Variants in EXOC4 observed in about 807,000 individuals in gnomAD.
EXOC4 encodes the protein SEC8-like 1.
In EXOC4, 71 loss-of-function variants were observed where a neutral mutation model predicts 107.2. That is an observed-to-expected ratio of 0.66 (90% confidence interval 0.55 to 0.81). The LOEUF (loss-of-function observed/expected upper bound fraction) is 0.81, where lower values mean the gene tolerates loss of function less well. Among genes scored for constraint, EXOC4 ranks in the 30% least tolerant of loss-of-function variants. The pLI, the probability that EXOC4 is intolerant of heterozygous loss-of-function variation, is 0.00. For missense variants in EXOC4, 1,108 were observed against 1,189.6 expected (o/e 0.93, Z 1.01); for synonymous variants, 456 against 441.2 (o/e 1.03, Z -0.42).
chr7:133,360,937 T>G (rs1293306316), intron 6 of EXOC4, among the ~76,000 whole-genome samples: 1 of 152,184 alleles, frequency 6.6e-6, no homozygotes, highest in Non-Finnish European at 1.5e-5. Context: ...TATATGTGTA[T>G]CTTTATATAT....
intron 17 of EXOC4, among the ~76,000 whole-genome samples, chr7:134,058,288 G>T (rs11976626): frequency 0.018 from 2,712 of 152,272 alleles, 68 homozygotes; most frequent in African/African-American, 0.053. Context: ...ATTCAGCACA[G>T]AATTCACTTG....
At chr7:134,039,181 G>A (rs1011255002) in intron 17 of EXOC4, among the ~76,000 whole-genome samples, 8 of 152,158 alleles carry the variant, frequency 5.3e-5, no homozygotes, top group African/African-American at 1.9e-4. Context: ...ATAGATAAAT[G>A]TATATGTACT....
chr7:133,883,634 G>GA (rs534239646), intron 11 of EXOC4, among the ~76,000 whole-genome samples: 17 of 149,564 alleles, frequency 1.1e-4, no homozygotes, highest in East Asian at 5.9e-4. Context: ...ATCTCAGGGG[G>GA]AAAAAAAAAA....
chr7:133,583,609 G>A (rs1050933391), intron 9 of EXOC4, among the ~76,000 whole-genome samples: 1 of 152,126 alleles, frequency 6.6e-6, no homozygotes, highest in African/African-American at 2.4e-5. Context: ...TCTAAAATTT[G>A]AAAGAACCAG....
chr7:133,297,143 G>A (rs952734156), intron 3 of EXOC4, among the ~76,000 whole-genome samples: 1 of 152,126 alleles, frequency 6.6e-6, no homozygotes, highest in Admixed American at 6.5e-5. Flanking sequence ...GTTGCTTTGT[G>A]GCCATACTTT....
chr7:133,585,165 A>G (rs777612533), intron 9 of EXOC4, among the ~76,000 whole-genome samples: 4 of 152,212 alleles, frequency 2.6e-5, no homozygotes, highest in Non-Finnish European at 5.9e-5. Context: ...GTCAAATGCA[A>G]TAATTCAAGT....
At chr7:133,293,934 C>T (rs898973325) in intron 3 of EXOC4, among the ~76,000 whole-genome samples, 2 of 152,182 alleles carry the variant, frequency 1.3e-5, no homozygotes, top group Non-Finnish European at 2.9e-5. Flanking sequence ...TGGGTTGATG[C>T]AAGCACATTA....
At chr7:133,927,825 C>G (rs1461151406) in intron 13 of EXOC4, among the ~76,000 whole-genome samples, 1 of 152,094 alleles carries the variant, frequency 6.6e-6, no homozygotes, top group Non-Finnish European at 1.5e-5. Flanking sequence ...ACTTAAATCT[C>G]AAAACTAAAC....
At chr7:133,951,943 T>G (rs1800701627) in intron 14 of EXOC4, among the ~76,000 whole-genome samples, 1 of 152,194 alleles carries the variant, frequency 6.6e-6, no homozygotes, top group African/African-American at 2.4e-5. Flanking sequence ...GTGGATCACC[T>G]GATGTCAGGA....
chr7:134,077,971 G>T, the EXOC4 span, among the ~76,000 whole-genome samples: 1 of 152,208 alleles, frequency 6.6e-6, no homozygotes, highest in African/African-American at 2.4e-5. Context: ...AGGGAGTGCT[G>T]GGAGAGTCTC....
At chr7:133,879,617 T>C (rs1435911361) in intron 11 of EXOC4, among the ~76,000 whole-genome samples, 1 of 152,236 alleles carries the variant, frequency 6.6e-6, no homozygotes, top group Non-Finnish European at 1.5e-5. Flanking sequence ...TGATTTTTCA[T>C]ATTTTTCATT....
At chr7:133,486,259 C>T (rs1799268315) in intron 9 of EXOC4, among the ~76,000 whole-genome samples, 1 of 152,044 alleles carries the variant, frequency 6.6e-6, no homozygotes, top group Non-Finnish European at 1.5e-5. Flanking sequence ...TAATTAATCT[C>T]TTCGGGGGTG....
intron 10 of EXOC4, among the ~76,000 whole-genome samples, chr7:133,715,560 T>C (rs988515335): frequency 7.9e-5 from 12 of 152,132 alleles, no homozygotes; most frequent in Non-Finnish European, 1.0e-4. Flanking sequence ...TAAAAAGTTA[T>C]AGTAATTCAG....
intron 7 of EXOC4, among the ~76,000 whole-genome samples, chr7:133,437,773 A>G (rs553177217): frequency 6.6e-6 from 1 of 152,250 alleles, no homozygotes; most frequent in South Asian, 2.1e-4. Context: ...AGTGTTCCCC[A>G]TCTGCTTTTT....
At chr7:133,645,992 T>G (rs1802980297) in intron 10 of EXOC4, among the ~76,000 whole-genome samples, 3 of 152,300 alleles carry the variant, frequency 2.0e-5, no homozygotes, top group African/African-American at 7.2e-5. Context: ...GTAAACTCCT[T>G]AAGTTAGACC....
chr7:133,655,616 G>A (rs140869790), intron 10 of EXOC4, among the ~76,000 whole-genome samples: 49 of 151,878 alleles, frequency 3.2e-4, no homozygotes, highest in Admixed American at 1.5e-3. Flanking sequence ...ACACATTAGC[G>A]TAGGCTTACA....
intron 2 of EXOC4, among the ~76,000 whole-genome samples, chr7:133,284,893 C>T (rs1333884224): frequency 6.6e-6 from 1 of 152,170 alleles, no homozygotes; most frequent in Non-Finnish European, 1.5e-5. Flanking sequence ...ACTGGACTCT[C>T]CTACCTCATC....
chr7:133,767,233 G>C (rs1796157566), intron 10 of EXOC4, among the ~76,000 whole-genome samples: 1 of 151,730 alleles, frequency 6.6e-6, no homozygotes, highest in Non-Finnish European at 1.5e-5. Flanking sequence ...TCTATCACAA[G>C]AGCTGGATCT....
At chr7:133,716,218 C>T (rs1017380080) in intron 10 of EXOC4, among the ~76,000 whole-genome samples, 1 of 152,186 alleles carries the variant, frequency 6.6e-6, no homozygotes, top group Non-Finnish European at 1.5e-5. Flanking sequence ...TTACAATGTG[C>T]AGGGCACTAC....
Sources: allele counts gnomAD v4.1 joint callset (sites outside exome capture counted in the v4.1 genomes callset), GRCh38; gene constraint gnomAD v4.1.1; transcripts MANE v1.5; gene names NCBI Gene and HGNC (gene_info 2026-07-23, HGNC 2026-07-21).